C12orf42: variants seen among roughly 807,000 people sequenced by gnomAD.
C12orf42 encodes the protein uncharacterized protein C12orf42.
In C12orf42, 25 loss-of-function variants were observed where a neutral mutation model predicts 21.6. The observed-to-expected ratio is 1.16, with a 90% CI of 0.84 to 1.62. The LOEUF (loss-of-function observed/expected upper bound fraction) is 1.62. C12orf42 is among the 40% of genes most tolerant of loss of function. The probability of loss-of-function intolerance (pLI) is 0.00; values close to 1 mark genes in which losing one functional copy is unlikely to be tolerated. For missense variants in C12orf42, 483 were observed against 459.3 expected (o/e 1.05, Z -0.47); for synonymous variants, 174 against 175.0 (o/e 0.99, Z 0.05).
chr12:103,257,479 C>T (rs1342897024), intron 10 of C12orf42, among the ~76,000 whole-genome samples: 1 of 151,980 alleles, frequency 6.6e-6, no homozygotes, highest in African/African-American at 2.4e-5. Context: ...TCAAAATCAA[C>T]TCAAAGACAT....
At chr12:103,453,668 C>T (rs148357965) in intron 2 of C12orf42, among the ~76,000 whole-genome samples, 17 of 152,018 alleles carry the variant, frequency 1.1e-4, no homozygotes, top group South Asian at 2.1e-4. Context: ...TGGCTTTATT[C>T]GCTGTTTCCT....
chr12:103,274,268 C>A (rs972400156), intron 5 of C12orf42, among the ~76,000 whole-genome samples: 6 of 152,158 alleles, frequency 3.9e-5, no homozygotes, highest in Non-Finnish European at 8.8e-5. Context: ...ATCTGTGATG[C>A]CTGTGCTGCT....
At chr12:103,075,466 T>C in the C12orf42 span, among the ~76,000 whole-genome samples, 1 of 152,170 alleles carries the variant, frequency 6.6e-6, no homozygotes, top group African/African-American at 2.4e-5. Context: ...CCAAGAGTAT[T>C]TTTACTGTCA....
the C12orf42 span, among the ~76,000 whole-genome samples, chr12:103,147,661 A>C: frequency 7.6e-6 from 1 of 131,978 alleles, no homozygotes; most frequent in Admixed American, 8.4e-5. Context: ...GACAGTAACT[A>C]CTACACAAAG....
the C12orf42 span, among the ~76,000 whole-genome samples, chr12:103,506,837 A>T: frequency 4.4e-5 from 2 of 45,332 alleles, no homozygotes; most frequent in Non-Finnish European, 6.2e-5. Flanking sequence ...TTTATATATT[A>T]TATATATATA....
At chr12:103,101,267 C>A in the C12orf42 span, among the ~76,000 whole-genome samples, 130 of 152,242 alleles carry the variant, frequency 8.5e-4, no homozygotes, top group African/African-American at 2.9e-3. Flanking sequence ...AAAAACTGTT[C>A]TAGTGAAAGG....
the C12orf42 span, among the ~76,000 whole-genome samples, chr12:103,175,439 C>A: frequency 1.1e-4 from 17 of 152,142 alleles, no homozygotes; most frequent in Non-Finnish European, 2.2e-4. Flanking sequence ...AAAGCTCATC[C>A]TAGCCAAGAG....
At chr12:103,541,546 A>G in the C12orf42 span, among the ~76,000 whole-genome samples, 1 of 152,204 alleles carries the variant, frequency 6.6e-6, no homozygotes, top group Non-Finnish European at 1.5e-5. Context: ...AGTATAACAC[A>G]TACAATTATA....
intron 2 of C12orf42, among the ~76,000 whole-genome samples, chr12:103,403,165 G>A (rs1272928193): frequency 6.6e-6 from 1 of 152,080 alleles, no homozygotes; most frequent in African/African-American, 2.4e-5. Flanking sequence ...CACGAGGTCA[G>A]GAGATCGAGA....
intron 4 of C12orf42, among the ~76,000 whole-genome samples, chr12:103,368,262 C>T (rs1438983573): frequency 6.6e-6 from 1 of 151,590 alleles, no homozygotes; most frequent in Non-Finnish European, 1.5e-5. Flanking sequence ...GGGAAATCAT[C>T]CTTCTACTAT....
intron 3 of C12orf42, among the ~76,000 whole-genome samples, chr12:103,397,157 A>G (rs760854714): frequency 3.3e-5 from 5 of 152,222 alleles, no homozygotes; most frequent in Non-Finnish European, 2.9e-5. Flanking sequence ...CAGATTATTG[A>G]GATTTATCCT....
rs144708075 is a variant in C12orf42, at chr12:103,346,043, CATA to C, written c.259+22841_259+22843del. ...ACCATACTTCCTGAAATGAATTTTT[CATA>C]ATAATTGAAATATCTGCAGCATGCT... On this transcript the variant is annotated intron_variant, in intron 4 of 5. Coordinates refer to ENST00000548883, the MANE Select transcript of C12orf42 (RefSeq NM_198521.5). Among the ~76,000 whole-genome samples, 502 of 152,254 alleles carry C rather than the reference CATA, an allele frequency of 3.3e-3. 2 individuals carry two copies. Among genetic ancestry groups the C allele is most frequent in the African/African-American group, 0.011 (475 of 41,554 alleles).
At chr12:103,485,375 C>T (rs1309237350) in intron 1 of C12orf42, among the ~76,000 whole-genome samples, 1 of 152,120 alleles carries the variant, frequency 6.6e-6, no homozygotes, top group Non-Finnish European at 1.5e-5. Context: ...GTTACTGTAG[C>T]CTTGTAGTTT....
At chr12:103,172,836 C>G in the C12orf42 span, among the ~76,000 whole-genome samples, 6 of 152,134 alleles carry the variant, frequency 3.9e-5, no homozygotes, top group Non-Finnish European at 7.4e-5. Flanking sequence ...TGCCTAGAAT[C>G]TAAATTTTGT....
chr12:103,523,262 A>G, the C12orf42 span, among the ~76,000 whole-genome samples: 5 of 152,238 alleles, frequency 3.3e-5, no homozygotes. Context: ...TTGTCTGGAG[A>G]GGGAATAAAT....
intron 4 of C12orf42, chr12:103,277,257 A>G: frequency 2.6e-6 from 1 of 391,176 alleles, no homozygotes; most frequent in Non-Finnish European, 5.0e-6. Context: ...GAATAACTGT[A>G]TATTAATTCA....
chr12:103,241,967 T>C (rs1052546541), intron 10 of C12orf42, among the ~76,000 whole-genome samples: 1 of 152,222 alleles, frequency 6.6e-6, no homozygotes, highest in African/African-American at 2.4e-5. Context: ...TGCCTATACA[T>C]TTATTTAATT....
At chr12:103,286,006 G>T (rs1011397284) in intron 4 of C12orf42, among the ~76,000 whole-genome samples, 9 of 152,322 alleles carry the variant, frequency 5.9e-5, no homozygotes, top group Middle Eastern at 3.4e-3. Flanking sequence ...AGCACTTTGG[G>T]GGGGTGCCAA....
At chr12:103,239,609 A>G (rs1271068697) in intron 10 of C12orf42, among the ~76,000 whole-genome samples, 1 of 152,136 alleles carries the variant, frequency 6.6e-6, no homozygotes. Context: ...ATCTTCCTGT[A>G]TCAGACCATA....
Sources: allele counts gnomAD v4.1 joint callset (sites outside exome capture counted in the v4.1 genomes callset), GRCh38; gene constraint gnomAD v4.1.1; transcripts MANE v1.5; gene names NCBI Gene and HGNC (gene_info 2026-07-23, HGNC 2026-07-21).